The following ZNF644 variants were observed in gnomAD, a reference collection of about 807,000 sequenced individuals.
ZNF644 encodes the protein zinc finger motif enhancer binding protein 2.
A neutral mutation model predicts 108.0 loss-of-function variants in ZNF644; 20 were observed. That is an observed-to-expected ratio of 0.19 (90% CI 0.13 to 0.27). ZNF644 has a LOEUF of 0.27. Ranked by LOEUF, ZNF644 falls within the 10% of genes least tolerant of loss-of-function variation. The pLI is 1.00. For missense variants in ZNF644, 1,338 were observed against 1,548.9 expected, an observed-to-expected ratio of 0.86 and a Z score of 2.29; for synonymous variants, 542 against 539.1, an observed-to-expected ratio of 1.01 and a Z score of -0.08.
intron 1 of ZNF644, among the ~76,000 whole-genome samples, chr1:90,998,840 G>C (rs926183149): frequency 6.6e-6 from 1 of 152,186 alleles, no homozygotes; most frequent in Non-Finnish European, 1.5e-5. Flanking sequence ...AACCAGTGTA[G>C]AGAAGTCCTT....
In ZNF644 at chr1:91,002,740, G is replaced by C. The variant is rs186451482; in HGVS notation, c.-18+19250C>G. Among the ~76,000 whole-genome samples the C allele has an allele frequency of 3.3e-5, 5 of 152,088 alleles. 1 individual carries two copies. Among genetic ancestry groups the C allele is most frequent in the African/African-American group, 1.2e-4 (5 of 41,400 alleles). ...AAGAAACTACCATCAGAGTGAACAG[G>C]CAACCTACAGAACGGGAGAAAATTT... On this transcript the variant is annotated intron_variant, in intron 1 of 5. Coordinates refer to ENST00000337393, the MANE Select transcript of ZNF644 (RefSeq NM_201269.3).
chr1:90,967,640 A>G (rs1655052370), intron 2 of ZNF644, among the ~76,000 whole-genome samples: 2 of 152,176 alleles, frequency 1.3e-5, no homozygotes, highest in Non-Finnish European at 2.9e-5. Flanking sequence ...ATATCAGTCA[A>G]TTATAGGAAT....
intron 1 of ZNF644, among the ~76,000 whole-genome samples, chr1:91,018,185 T>C (rs1376271507): frequency 1.3e-5 from 2 of 152,140 alleles, no homozygotes. Flanking sequence ...AGAGGAGAAA[T>C]CTTTTAGCCA....
chr1:90,955,953 T>G (rs1653712806), intron 2 of ZNF644, among the ~76,000 whole-genome samples: 1 of 152,214 alleles, frequency 6.6e-6, no homozygotes, highest in African/African-American at 2.4e-5. Context: ...GGTTTTGATT[T>G]AAAATGAGAG....
At chr1:90,988,217 A>C (rs936720928) in intron 1 of ZNF644, among the ~76,000 whole-genome samples, 1 of 152,218 alleles carries the variant, frequency 6.6e-6, no homozygotes, top group Non-Finnish European at 1.5e-5. Flanking sequence ...GATACAAAAA[A>C]TAAAAGCACA....
chr1:91,019,913 CAA>C (rs979463390), intron 1 of ZNF644, among the ~76,000 whole-genome samples: 2 of 152,136 alleles, frequency 1.3e-5, no homozygotes, highest in African/African-American at 2.4e-5. Flanking sequence ...ATGAACCTAA[CAA>C]TATTTAATTA....
chr1:90,979,735 T>C (rs745875486), intron 2 of ZNF644, among the ~76,000 whole-genome samples: 7 of 152,120 alleles, frequency 4.6e-5, no homozygotes, highest in Non-Finnish European at 8.8e-5. Flanking sequence ...TAGTCTAACA[T>C]TCCAAAATCT....
chr1:90,998,325 C>A (rs1326821407), intron 1 of ZNF644, among the ~76,000 whole-genome samples: 6 of 152,336 alleles, frequency 3.9e-5, no homozygotes, highest in African/African-American at 1.4e-4. Context: ...CCTCACACAG[C>A]CAGGTACCCC....
chr1:90,976,310 T>C (rs1656002670), intron 2 of ZNF644, among the ~76,000 whole-genome samples: 1 of 152,214 alleles, frequency 6.6e-6, no homozygotes, highest in South Asian at 2.1e-4. Context: ...GGCAGTATTG[T>C]GTTCATCACT....
At chr1:90,998,527 A>G (rs1238760277) in intron 1 of ZNF644, among the ~76,000 whole-genome samples, 1 of 152,252 alleles carries the variant, frequency 6.6e-6, no homozygotes, top group African/African-American at 2.4e-5. Flanking sequence ...AAGGACATCC[A>G]CGCCAAAACC....
chr1:90,918,676 A>C (rs1220212690), intron 4 of ZNF644, among the ~76,000 whole-genome samples: 2 of 152,140 alleles, frequency 1.3e-5, no homozygotes, highest in African/African-American at 4.8e-5. Context: ...AGCTCAAGGA[A>C]AAATCAATTT....
chr1:90,928,995 C>G (rs1034293195), intron 4 of ZNF644, among the ~76,000 whole-genome samples: 8 of 152,104 alleles, frequency 5.3e-5, no homozygotes, highest in African/African-American at 1.9e-4. Context: ...CAGCGATGAA[C>G]AGTCTTGGTA....
At chr1:90,944,052 C>T (rs1159799693) in intron 2 of ZNF644, among the ~76,000 whole-genome samples, 1 of 152,168 alleles carries the variant, frequency 6.6e-6, no homozygotes, top group Non-Finnish European at 1.5e-5. Context: ...TTTTTCTCAA[C>T]AGGAAGCAAT....
chr1:90,952,032 T>C (rs1653229518), intron 2 of ZNF644, among the ~76,000 whole-genome samples: 1 of 152,188 alleles, frequency 6.6e-6, no homozygotes. Context: ...GTTCAGTATC[T>C]GTCTCTCTCT....
intron 2 of ZNF644, among the ~76,000 whole-genome samples, chr1:90,951,770 A>G (rs1653197977): frequency 6.6e-6 from 1 of 152,146 alleles, no homozygotes; most frequent in South Asian, 2.1e-4. Context: ...TCCCTCCTCT[A>G]ATACTAAGTT....
intron 1 of ZNF644, chr1:91,021,773 G>A (rs1660959534): frequency 8.4e-6 from 3 of 355,342 alleles, no homozygotes; most frequent in African/African-American, 2.1e-5. Context: ...CACCAACTCC[G>A]CCTCCTCGGC....
At chr1:90,998,665 G>C (rs186920605) in intron 1 of ZNF644, among the ~76,000 whole-genome samples, 3 of 152,362 alleles carry the variant, frequency 2.0e-5, no homozygotes, top group Admixed American at 2.0e-4. Context: ...AAGGAACGCA[G>C]CTCCTCGCCA....
chr1:91,018,547 T>C (rs754046231), intron 1 of ZNF644, among the ~76,000 whole-genome samples: 5 of 152,208 alleles, frequency 3.3e-5, no homozygotes, highest in African/African-American at 4.8e-5. Flanking sequence ...GTTTAAAAAA[T>C]GGTTAAAACA....
intron 2 of ZNF644, among the ~76,000 whole-genome samples, chr1:90,975,317 A>G (rs959876675): frequency 6.6e-6 from 1 of 152,192 alleles, no homozygotes; most frequent in African/African-American, 2.4e-5. Flanking sequence ...TCTAAAACCA[A>G]CTTAATTACA....
Sources: allele counts gnomAD v4.1 joint callset (sites outside exome capture counted in the v4.1 genomes callset), GRCh38; gene constraint gnomAD v4.1.1; transcripts MANE v1.5; gene names NCBI Gene and HGNC (gene_info 2026-07-23, HGNC 2026-07-21).